The following FTO variants were observed in gnomAD, a reference collection of about 807,000 sequenced individuals.
The protein encoded by FTO is FTO alpha-ketoglutarate dependent dioxygenase, also known as alpha-ketoglutarate-dependent dioxygenase FTO.
In FTO, 47 loss-of-function variants were observed where a neutral mutation model predicts 63.9. That is an observed-to-expected ratio of 0.74 (90% CI 0.58 to 0.94). The LOEUF (loss-of-function observed/expected upper bound fraction) is 0.94. FTO is among the 40% of genes least tolerant of loss of function. The pLI, the probability that FTO is intolerant of heterozygous loss-of-function variation, is 0.00. For missense variants in FTO, 562 were observed against 618.1 expected (o/e 0.91, Z 0.96); for synonymous variants, 207 against 224.4 (o/e 0.92, Z 0.69).
Position 53,980,428 on chromosome 16 carries a change from G to A in FTO, c.1364+46319G>A, listed in dbSNP as rs138317031. Among the ~76,000 whole-genome samples the A allele has an allele frequency of 3.1e-3, 465 of 152,320 alleles. 1 individual carries two copies. The highest frequency in any genetic ancestry group is 0.011 in the South Asian group (53 of 4,830). ...CCCTACATGTGGACTCTAAGCTAAG[G>A]AAGCTGACACGTGGGGAGGGAAAAG... On this transcript the variant is annotated intron_variant, in intron 8 of 8. Transcript: ENST00000471389.
chr16:53,792,078 A>G (rs1418522274), intron 1 of FTO, among the ~76,000 whole-genome samples: 41 of 49,882 alleles, frequency 8.2e-4, no homozygotes, highest in African/African-American at 3.8e-3. Context: ...TTCGTCTCAA[A>G]AAAAAAAAAA....
At chr16:53,852,578 C>T (rs978014394) in intron 4 of FTO, among the ~76,000 whole-genome samples, 2 of 152,116 alleles carry the variant, frequency 1.3e-5, no homozygotes. Flanking sequence ...AAAGCCAGTA[C>T]ATAATGATGT....
chr16:54,024,736 A>C, intron 8 of FTO, among the ~76,000 whole-genome samples: 1 of 152,350 alleles, frequency 6.6e-6, no homozygotes, highest in East Asian at 1.9e-4. Flanking sequence ...GTATTATATT[A>C]GTTTATATAT....
intron 4 of FTO, among the ~76,000 whole-genome samples, chr16:53,851,938 T>C (rs1288675297): frequency 6.6e-6 from 1 of 152,016 alleles, no homozygotes; most frequent in Admixed American, 6.6e-5. Context: ...ATTACCTCCC[T>C]AACCCTTAAA....
intron 8 of FTO, among the ~76,000 whole-genome samples, chr16:53,962,710 A>G (rs1011972684): frequency 2.6e-5 from 4 of 152,184 alleles, no homozygotes; most frequent in African/African-American, 4.8e-5. Flanking sequence ...AAGTCCATAT[A>G]GTTTGTGAGG....
intron 1 of FTO, among the ~76,000 whole-genome samples, chr16:53,796,546 A>G (rs944918714): frequency 6.6e-6 from 1 of 152,250 alleles, no homozygotes; most frequent in Non-Finnish European, 1.5e-5. Flanking sequence ...AAAAAGGGAC[A>G]TACTACATGA....
intron 4 of FTO, among the ~76,000 whole-genome samples, chr16:53,846,666 G>A (rs2079629267): frequency 6.6e-6 from 1 of 151,904 alleles, no homozygotes; most frequent in African/African-American, 2.4e-5. Context: ...GCTGGGTGTG[G>A]TGGCACGTGC....
Position 53,907,908 on chromosome 16 carries a change from C to A in FTO, c.1239+18957C>A, listed in dbSNP as rs576176126. Among the ~76,000 whole-genome samples, 3 of 152,328 alleles carry A rather than the reference C, an allele frequency of 2.0e-5. No homozygotes were observed. In the South Asian group the frequency reaches 6.2e-4, roughly 32 times the overall value. On this transcript the variant is annotated intron_variant, in intron 7 of 8. Coordinates refer to ENST00000471389, the MANE Select transcript of FTO (RefSeq NM_001080432.3). ...CTGCACTATACTTTACCATTACTCT[C>A]ATGAAAGCCATGCTTGAGAGCTCAA...
chr16:53,918,012 C>T (rs1262114775), intron 7 of FTO, among the ~76,000 whole-genome samples: 3 of 151,966 alleles, frequency 2.0e-5, no homozygotes, highest in African/African-American at 7.3e-5. Flanking sequence ...CCTCAGGAAT[C>T]TTAAGAAAAA....
chr16:54,087,379 C>T (rs1481779205), intron 8 of FTO, among the ~76,000 whole-genome samples: 1 of 152,146 alleles, frequency 6.6e-6, no homozygotes, highest in African/African-American at 2.4e-5. Context: ...CGCAAGGCTT[C>T]AGTTTTACTG....
At chr16:53,860,884 A>G (rs1356494192) in intron 4 of FTO, among the ~76,000 whole-genome samples, 12 of 70,594 alleles carry the variant, frequency 1.7e-4, no homozygotes, top group African/African-American at 5.9e-4. Context: ...TGTTTTTAAC[A>G]CACACACACA....
intron 4 of FTO, among the ~76,000 whole-genome samples, chr16:53,863,066 A>C (rs955894683): frequency 6.6e-6 from 1 of 152,202 alleles, no homozygotes; most frequent in African/African-American, 2.4e-5. Context: ...ATGCTATTAA[A>C]AAAGTCAGTT....
At chr16:54,056,682 G>A (rs940676369) in intron 8 of FTO, among the ~76,000 whole-genome samples, 7 of 152,158 alleles carry the variant, frequency 4.6e-5, no homozygotes, top group African/African-American at 1.4e-4. Context: ...TTTGGAAGGC[G>A]ATTTTGGAAG....
chr16:54,049,751 G>A (rs2144323316), intron 8 of FTO, among the ~76,000 whole-genome samples: 1 of 152,322 alleles, frequency 6.6e-6, no homozygotes, highest in South Asian at 2.1e-4. Context: ...AAGAGGGAGG[G>A]CAGTCAGAAG....
At chr16:53,728,010 G>C (rs2076189231) in intron 1 of FTO, among the ~76,000 whole-genome samples, 1 of 151,958 alleles carries the variant, frequency 6.6e-6, no homozygotes, top group Non-Finnish European at 1.5e-5. Flanking sequence ...GGGGGGCTGA[G>C]GTGGGAGGAT....
Position 53,732,213 on chromosome 16 carries a change from T to C in FTO, c.45+27984T>C, listed in dbSNP as rs376965358. 5.1e-4 allele frequency among the ~76,000 whole-genome samples: 78 copies of C among 152,048 alleles called. No homozygotes were observed. The East Asian group carries it at 9.4e-3, about 18-fold the overall frequency. On this transcript the variant is annotated intron_variant, in intron 1 of 8. Transcript: ENST00000471389. ...ACAGGCGCCCGCCACCACGCCCGGC[T>C]AATTTCTTTTTGTATTTTTAGTAGA...
intron 8 of FTO, among the ~76,000 whole-genome samples, chr16:53,970,824 C>T (rs2083300911): frequency 6.6e-6 from 1 of 152,150 alleles, no homozygotes; most frequent in African/African-American, 2.4e-5. Context: ...TGTTTTAAAA[C>T]ATGCAGATAA....
rs1202811279 is a variant in FTO, at chr16:53,948,423, G to A, written c.1364+14314G>A. Among the ~76,000 whole-genome samples the A allele has an allele frequency of 4.6e-5, 7 of 152,370 alleles. No individual in the cohort carries two copies. The East Asian group carries it at 1.4e-3, about 29-fold the overall frequency. ...TGTATGTAGATAAAGCCAGAGAGGT[G>A]AGACACTGTTAAGTTCAAGGCAAAA... is the stretch of plus-strand genomic sequence containing the variant. On this transcript the variant is annotated intron_variant, in intron 8 of 8. Coordinates refer to ENST00000471389, the MANE Select transcript of FTO (RefSeq NM_001080432.3).
chr16:54,043,070 G>A lies in FTO; in HGVS notation c.1365-68692G>A, dbSNP rs1323373051. 2.3e-4 allele frequency among the ~76,000 whole-genome samples: 16 copies of A among 69,602 alleles called. 3 individuals are homozygous for A. Among genetic ancestry groups the A allele is most frequent in the African/African-American group, 1.8e-3 (12 of 6,766 alleles). The allele number at this position is 69,602 out of a possible 152,430, so 45.7% of individuals were successfully genotyped here. ...AGCGCCTCTCCTCCTCCAAAGGAAC[G>A]CAGTTCCTCACCAGCAACAGAACAA... is the stretch of plus-strand genomic sequence containing the variant. On this transcript the variant is annotated intron_variant, in intron 8 of 8. Coordinates refer to ENST00000471389, the MANE Select transcript of FTO (RefSeq NM_001080432.3).
Sources: allele counts gnomAD v4.1 joint callset (sites outside exome capture counted in the v4.1 genomes callset), GRCh38; gene constraint gnomAD v4.1.1; transcripts MANE v1.5; gene names NCBI Gene and HGNC (gene_info 2026-07-23, HGNC 2026-07-21).